Variants in PCDHGA8 observed in about 807,000 individuals in gnomAD.
PCDHGA8 encodes protocadherin gamma subfamily A, 8.
In PCDHGA8, 45 loss-of-function variants were observed where a neutral mutation model predicts 59.2. The observed-to-expected ratio is 0.76, with a 90% CI of 0.60 to 0.98. The LOEUF (loss-of-function observed/expected upper bound fraction) is 0.98. PCDHGA8 is among the 50% of genes least tolerant of loss of function. The probability of loss-of-function intolerance (pLI) is 0.00; values close to 1 mark genes in which losing one functional copy is unlikely to be tolerated. For synonymous variants in PCDHGA8, 531 were observed against 519.0 expected (o/e 1.02, Z -0.32); for missense variants, 1,257 against 1,196.2 (o/e 1.05, Z -0.75).
chr5:141,406,757 A>C (rs1274112027), intron 1 of PCDHGA8, among the ~76,000 whole-genome samples: 3 of 152,230 alleles, frequency 2.0e-5, no homozygotes, highest in Non-Finnish European at 4.4e-5. Context: ...CAAAACAAGG[A>C]ATTAAAAATA....
At chr5:141,408,850 C>T (rs2095179070) in intron 1 of PCDHGA8, 2 of 1,613,554 alleles carry the variant, frequency 1.2e-6, no homozygotes, top group South Asian at 1.1e-5. Context: ...CTGCCTTGGA[C>T]GGAGGGGACC....
At chr5:141,402,807 T>TA in intron 1 of PCDHGA8, 1 of 1,165,464 alleles carries the variant, frequency 8.6e-7, no homozygotes, top group Non-Finnish European at 1.2e-6. Flanking sequence ...ACCCGGCAGA[T>TA]ACCACAAACC....
At chr5:141,438,914 C>T (rs1249997741) in intron 1 of PCDHGA8, among the ~76,000 whole-genome samples, 1 of 151,906 alleles carries the variant, frequency 6.6e-6, no homozygotes, top group Non-Finnish European at 1.5e-5. Flanking sequence ...GATCCACCTG[C>T]CTTGGCCTCC....
intron 1 of PCDHGA8, chr5:141,422,492 C>A (rs747903569): frequency 2.5e-6 from 4 of 1,613,816 alleles, no homozygotes; most frequent in African/African-American, 2.7e-5. Flanking sequence ...TACAATATAA[C>A]GTTGACAGCC....
In PCDHGA8 at chr5:141,454,796, A is replaced by ATTTTTT. The variant is rs61612330; in HGVS notation, c.2425-39987_2425-39982dup. Among the ~76,000 whole-genome samples the ATTTTTT allele has an allele frequency of 4.9e-3, 381 of 77,456 alleles. 41 individuals carry two copies. The highest frequency in any genetic ancestry group is 0.011 in the African/African-American group (178 of 16,882). 50.8% of individuals were successfully genotyped at this position (77,456 alleles called of 152,430 possible). ...AAGGAAATAATCCTCCATGGTTCTA[A>ATTTTTT]TTTTTTTTTTTTTTTTTTTTTTTTT... On this transcript the variant is annotated intron_variant, in intron 1 of 3. Coordinates refer to ENST00000398604, the MANE Select transcript of PCDHGA8 (RefSeq NM_032088.2).
At chr5:141,409,769 G>T (rs1413636372) in intron 1 of PCDHGA8, 3 of 1,612,776 alleles carry the variant, frequency 1.9e-6, no homozygotes, top group Middle Eastern at 1.7e-4. Flanking sequence ...CTTTGATCAC[G>T]AGCAGCTGCG....
At position 141,431,418 on chromosome 5, in the gene PCDHGA8, C is replaced by G. The variant is rs571505529; in HGVS notation, c.2424+36181C>G. On this transcript the variant is annotated intron_variant, in intron 1 of 3. Transcript: ENST00000398604. The surrounding 1 kb of genome is among the most constrained non-coding windows in gnomAD (Gnocchi z 4.8). ...CTTACGGCCTCCGACGGGGGCGACC[C>G]GGTGCGCACAGGCACCGCGCGCATC... is the stretch of plus-strand genomic sequence containing the variant. 6.8e-6 allele frequency: 11 copies of G among 1,613,588 alleles called. No homozygotes were observed. In the South Asian group the frequency reaches 1.1e-4, roughly 16 times the overall value.
chr5:141,447,541 A>G (rs2098542324), intron 1 of PCDHGA8, among the ~76,000 whole-genome samples: 1 of 152,218 alleles, frequency 6.6e-6, no homozygotes, highest in Non-Finnish European at 1.5e-5. Flanking sequence ...TTGGGTTTTA[A>G]TGTTATGAGT....
chr5:141,400,507 A>G (rs1158150708), intron 1 of PCDHGA8: 1 of 1,613,864 alleles, frequency 6.2e-7, no homozygotes, highest in Non-Finnish European at 8.5e-7. Context: ...CAGCGAGTCG[A>G]CTTCCCATCC....
At chr5:141,462,217 C>T (rs1469685983) in intron 1 of PCDHGA8, among the ~76,000 whole-genome samples, 1 of 152,216 alleles carries the variant, frequency 6.6e-6, no homozygotes, top group South Asian at 2.1e-4. Flanking sequence ...GCCTCGGCCT[C>T]CCAAAGTGCA....
intron 1 of PCDHGA8, among the ~76,000 whole-genome samples, chr5:141,465,130 AAG>A (rs1277023430): frequency 2.6e-5 from 4 of 151,968 alleles, no homozygotes; most frequent in Non-Finnish European, 5.9e-5. Flanking sequence ...AATTTGTAAA[AAG>A]TTTAGGGGAT....
chr5:141,399,812 C>T (rs1561672586), intron 1 of PCDHGA8: 1 of 1,613,222 alleles, frequency 6.2e-7, no homozygotes, highest in South Asian at 1.1e-5. Context: ...CTGTACCCCG[C>T]GCTGGGTCCC....
intron 1 of PCDHGA8, among the ~76,000 whole-genome samples, chr5:141,464,689 TATTATGA>T (rs1378742227): frequency 4.6e-5 from 7 of 152,182 alleles, no homozygotes; most frequent in Admixed American, 2.6e-4. Context: ...AAATTTCTCT[TATTATGA>T]ATGAGGTTAA....
In PCDHGA8 at chr5:141,489,561, G is replaced by A. The variant is rs1750812409; in HGVS notation, c.2425-5246G>A. 6.2e-7 allele frequency: 1 copy of A among 1,614,106 alleles called. No homozygotes were observed. Among genetic ancestry groups the A allele is most frequent in the Non-Finnish European group, 8.5e-7 (1 of 1,180,026 alleles). On this transcript the variant is annotated intron_variant, in intron 1 of 3. Coordinates refer to ENST00000398604, the MANE Select transcript of PCDHGA8 (RefSeq NM_032088.2). The surrounding 1 kb of genome is among the most constrained non-coding windows in gnomAD (Gnocchi z 4.5). Reference sequence around the variant, plus strand: ...GCACCAGCTGCCTGCTGCCAGTGCAGGTGGTGACTGAACACCCCCTGGAGC... The same window carrying A: ...GCACCAGCTGCCTGCTGCCAGTGCAAGTGGTGACTGAACACCCCCTGGAGC...
At position 141,511,108 on chromosome 5, in the gene PCDHGA8, G is replaced by A; in HGVS notation, c.2734G>A (p.Asp912Asn). The A allele has an allele frequency of 6.2e-7, 1 of 1,614,244 alleles. No homozygotes were observed. The highest frequency in any genetic ancestry group is 2.2e-5 in the East Asian group (1 of 44,882). Residue 912 changes from aspartate (D) to asparagine (N), a missense_variant, in exon 4 of 4, where the codon GAT (aspartate) becomes AAT (asparagine). Physicochemically the swap from Asp to Asn is conservative, Grantham distance 23. Coordinates refer to ENST00000398604, the MANE Select transcript of PCDHGA8 (RefSeq NM_032088.2). ...ATLTNAAGKR[D>N]GKAPAGGNGN... Reference sequence around the variant, plus strand: ...ACTGACCAACGCAGCTGGCAAGCGGGATGGCAAGGCCCCAGCAGGTGGCAA... The same window carrying A: ...ACTGACCAACGCAGCTGGCAAGCGGAATGGCAAGGCCCCAGCAGGTGGCAA...
chr5:141,495,833 G>A (rs559689667), intron 2 of PCDHGA8, among the ~76,000 whole-genome samples: 3 of 151,876 alleles, frequency 2.0e-5, no homozygotes, highest in African/African-American at 4.8e-5. Context: ...TCTATCCCCA[G>A]CCTCTATGTT....
intron 1 of PCDHGA8, chr5:141,409,795 G>A (rs764584425): frequency 1.2e-6 from 2 of 1,611,722 alleles, no homozygotes; most frequent in Admixed American, 1.7e-5. Context: ...TCGCGCTCAC[G>A]CTGCAGGCCC....
At position 141,485,299 on chromosome 5, in the gene PCDHGA8, G is replaced by A; in HGVS notation, c.2425-9508G>A. On this transcript the variant is annotated intron_variant, in intron 1 of 3. Coordinates refer to ENST00000398604, the MANE Select transcript of PCDHGA8 (RefSeq NM_032088.2). The surrounding 1 kb of genome is among the most constrained non-coding windows in gnomAD (Gnocchi z 5.7). ...CGGTCCCAGAGGAGTCACAGGAAGG[G>A]ACTTTTGTAGGGAATGTCGCTCAAG... 1 of 1,614,180 alleles carries A rather than the reference G, an allele frequency of 6.2e-7. No individual in the cohort carries two copies. Among genetic ancestry groups the A allele is most frequent in the Non-Finnish European group, 8.5e-7 (1 of 1,180,012 alleles).
chr5:141,418,589 C>T (rs184213052), intron 1 of PCDHGA8: 13 of 1,613,896 alleles, frequency 8.1e-6, no homozygotes, highest in African/African-American at 6.7e-5. Flanking sequence ...AGTGTTCAGC[C>T]AGGACGTGTA....
Sources: gnomAD v4.1 joint callset for allele counts (sites outside exome capture counted in the v4.1 genomes callset) on GRCh38, gnomAD v4.1.1 for gene constraint, Gnocchi (gnomAD v3.1) non-coding constraint, MANE v1.5 for transcripts, NCBI Gene and HGNC (gene_info 2026-07-23, HGNC 2026-07-21) for gene names.